Variants in ZNF618 observed in about 807,000 individuals in gnomAD.
ZNF618 encodes the protein neural precursor cell expressed, developmentally down-regulated 10.
A neutral mutation model predicts 103.0 loss-of-function variants in ZNF618; 34 were observed. That is an observed-to-expected ratio of 0.33 (90% CI 0.25 to 0.44). The LOEUF is 0.44. ZNF618 is among the 20% of genes least tolerant of loss of function. ZNF618 has a pLI of 1.00. For missense variants in ZNF618, 1,059 were observed against 1,295.4 expected, an observed-to-expected ratio of 0.82 and a Z score of 2.80; for synonymous variants, 551 against 542.2, an observed-to-expected ratio of 1.02 and a Z score of -0.23.
At chr9:114,008,190 C>T (rs1841920879) in intron 7 of ZNF618, among the ~76,000 whole-genome samples, 154 bp from the exon 8 acceptor site, 2 of 152,252 alleles carry the variant, frequency 1.3e-5, no homozygotes, top group Non-Finnish European at 1.5e-5. Context: ...TTTTGGGGGG[C>T]TTCCACAGTG....
intron 2 of ZNF618, among the ~76,000 whole-genome samples, chr9:113,975,444 G>A (rs756831288): frequency 6.6e-6 from 1 of 152,118 alleles, no homozygotes; most frequent in Non-Finnish European, 1.5e-5. Context: ...TACCATTTTG[G>A]TTTTCAGCAG....
intron 9 of ZNF618, among the ~76,000 whole-genome samples, chr9:114,009,151 C>T (rs1310053452): frequency 6.6e-6 from 1 of 152,160 alleles, no homozygotes; most frequent in African/African-American, 2.4e-5. Flanking sequence ...CACATGTGGT[C>T]CTGCCCTTGG....
intron 5 of ZNF618, 51 bp downstream of exon 5, chr9:114,002,124 CT>C: frequency 6.4e-7 from 1 of 1,554,576 alleles, no homozygotes; most frequent in Non-Finnish European, 8.8e-7. Context: ...CTCCCACTGT[CT>C]GCCTGTTTCC....
Position 114,046,905 on chromosome 9 carries a change from C to T in ZNF618, c.1247-988C>T, listed in dbSNP as rs147352581. The stretch of plus-strand genomic sequence containing the variant: ...ATCCCACTTGGTCATGGTATGGAAT[C>T]CTTTATCTATGTTGCTGGATTATTA... On this transcript the variant is annotated intron_variant, in intron 13 of 14. Coordinates refer to ENST00000374126, the MANE Select transcript of ZNF618 (RefSeq NM_001318042.2). Among the ~76,000 whole-genome samples the T allele has an allele frequency of 2.6e-4, 40 of 152,232 alleles. 1 individual carries two copies. The East Asian group carries it at 6.8e-3, about 26-fold the overall frequency.
intron 1 of ZNF618, among the ~76,000 whole-genome samples, chr9:113,967,322 T>C (rs1203435860): frequency 6.6e-6 from 1 of 152,254 alleles, no homozygotes; most frequent in Non-Finnish European, 1.5e-5. Context: ...GTAATTGATC[T>C]GTTCTTTTGC....
At chr9:114,039,242 G>A (rs1214647703) in intron 13 of ZNF618, among the ~76,000 whole-genome samples, 6 of 152,186 alleles carry the variant, frequency 3.9e-5, no homozygotes, top group Non-Finnish European at 8.8e-5. Flanking sequence ...GCAGCTAAGA[G>A]GGATTGGGAG....
chr9:114,048,979 C>A lies in ZNF618; in HGVS notation c.1677C>A (p.Gly559=). The stretch of plus-strand genomic sequence containing the variant: ...TCACCTGCCACTCCCAGAGTGTTGG[C>A]CCTGACTCCTGCTACATCCTCACAG... ...IGVTCHSQSV[G]PDSCYILTAY... is the part of the protein sequence containing the mutation. Residue 559 remains glycine (G), a synonymous_variant, in exon 15 of 15, where the codon GGC becomes GGA. Coordinates refer to ENST00000374126, the MANE Select transcript of ZNF618 (RefSeq NM_001318042.2). 1.2e-6 allele frequency: 2 copies of A among 1,612,988 alleles called. No homozygotes were observed. Among genetic ancestry groups the A allele is most frequent in the South Asian group, 2.2e-5 (2 of 90,928 alleles).
At chr9:113,900,673 C>G (rs143227204) in intron 1 of ZNF618, among the ~76,000 whole-genome samples, 167 of 142,978 alleles carry the variant, frequency 1.2e-3, no homozygotes, top group South Asian at 2.1e-3. Context: ...CCGTCCTCTC[C>G]CGCAAACCCG....
At chr9:114,024,528 T>C (rs549958309) in intron 10 of ZNF618, among the ~76,000 whole-genome samples, 1 of 152,374 alleles carries the variant, frequency 6.6e-6, no homozygotes, top group South Asian at 2.1e-4. Context: ...CTTCAAAAGC[T>C]GGTTTTTAAG....
chr9:113,993,052 C>CTTTGT (rs1564268280), intron 3 of ZNF618, among the ~76,000 whole-genome samples: 10 of 152,124 alleles, frequency 6.6e-5, no homozygotes, highest in Middle Eastern at 3.4e-3. Context: ...AATAACTTTG[C>CTTTGT]TGGATAAAAG....
intron 9 of ZNF618, among the ~76,000 whole-genome samples, chr9:114,015,472 ATAATACT>A (rs1842576051): frequency 6.6e-6 from 1 of 152,232 alleles, no homozygotes; most frequent in African/African-American, 2.4e-5. Flanking sequence ...TAAGAAGATG[ATAATACT>A]TAATGCTGGC....
At chr9:114,032,782 T>C (rs1588413025) in intron 12 of ZNF618, 54 bp downstream of exon 12, 2 of 1,521,894 alleles carry the variant, frequency 1.3e-6, no homozygotes, top group Non-Finnish European at 1.8e-6. Context: ...CTTCGCCCGC[T>C]CCCCCCTGGC....
chr9:113,932,802 T>C (rs560265186), intron 1 of ZNF618, among the ~76,000 whole-genome samples: 149 of 152,158 alleles, frequency 9.8e-4, no homozygotes, highest in African/African-American at 3.3e-3. Flanking sequence ...ATTAGGTGAA[T>C]TTTAAGATGC....
intron 1 of ZNF618, among the ~76,000 whole-genome samples, chr9:113,914,891 C>G (rs1264695590): frequency 1.3e-5 from 2 of 152,184 alleles, no homozygotes; most frequent in African/African-American, 4.8e-5. Flanking sequence ...CCCTCATCTT[C>G]CCAGCACTGG....
intron 1 of ZNF618, among the ~76,000 whole-genome samples, chr9:113,906,425 G>A (rs2131350990): frequency 6.6e-6 from 1 of 152,306 alleles, no homozygotes; most frequent in African/African-American, 2.4e-5. Flanking sequence ...TAGTCAGGTT[G>A]TAGGGTCGTT....
chr9:113,905,809 C>T (rs1830938463), intron 1 of ZNF618, among the ~76,000 whole-genome samples: 1 of 152,178 alleles, frequency 6.6e-6, no homozygotes, highest in Non-Finnish European at 1.5e-5. Flanking sequence ...CTTCCTTGCT[C>T]TTCCCAAAGT....
chr9:114,035,016 G>A (rs1179764697), intron 12 of ZNF618, among the ~76,000 whole-genome samples: 1 of 152,170 alleles, frequency 6.6e-6, no homozygotes, highest in Non-Finnish European at 1.5e-5. Context: ...GAAAGGCATG[G>A]CCTCTGTGTC....
intron 2 of ZNF618, among the ~76,000 whole-genome samples, chr9:113,974,111 G>A (rs1171545984): frequency 1.3e-5 from 2 of 152,260 alleles, no homozygotes; most frequent in Non-Finnish European, 2.9e-5. Context: ...TGGGAGTAGA[G>A]CAGCTGTAAT....
chr9:113,960,956 C>T (rs1836783734), intron 1 of ZNF618, among the ~76,000 whole-genome samples: 1 of 152,204 alleles, frequency 6.6e-6, no homozygotes, highest in Non-Finnish European at 1.5e-5. Context: ...GTGAAGCCTT[C>T]AGAGAAGGCT....
Sources: allele counts gnomAD v4.1 joint callset (sites outside exome capture counted in the v4.1 genomes callset), GRCh38; gene constraint gnomAD v4.1.1; transcripts MANE v1.5; gene names NCBI Gene and HGNC (gene_info 2026-07-23, HGNC 2026-07-21).